Variants in ADGRL3 observed in about 807,000 individuals in gnomAD.
ADGRL3 encodes the protein calcium-independent alpha-latrotoxin receptor 3.
In ADGRL3, 62 loss-of-function variants were observed where a neutral mutation model predicts 153.5. That is an observed-to-expected ratio of 0.40 (90% confidence interval 0.33 to 0.50). The LOEUF (loss-of-function observed/expected upper bound fraction) is 0.50. Ranked by LOEUF, ADGRL3 falls within the 20% of genes least tolerant of loss-of-function variation. The probability of loss-of-function intolerance (pLI) is 0.47; values close to 1 mark genes in which losing one functional copy is unlikely to be tolerated. For missense variants in ADGRL3, 1,641 were observed against 1,859.4 expected, an observed-to-expected ratio of 0.88 and a Z score of 2.16; for synonymous variants, 710 against 672.5, an observed-to-expected ratio of 1.06 and a Z score of -0.86.
chr4:61,977,368 C>A (rs2099051767), intron 17 of ADGRL3, among the ~76,000 whole-genome samples: 1 of 151,980 alleles, frequency 6.6e-6, no homozygotes, highest in South Asian at 2.1e-4. Flanking sequence ...AAGAAGAGAG[C>A]AAATAGCCCT....
At chr4:61,815,421 T>C (rs1296937308) in intron 9 of ADGRL3, among the ~76,000 whole-genome samples, 1 of 152,178 alleles carries the variant, frequency 6.6e-6, no homozygotes, top group Admixed American at 6.5e-5. Flanking sequence ...ATAAGCTGAT[T>C]GGAGAAGAGA....
intron 17 of ADGRL3, among the ~76,000 whole-genome samples, chr4:61,973,952 G>A (rs1043337663): frequency 1.3e-5 from 2 of 151,848 alleles, no homozygotes; most frequent in African/African-American, 2.4e-5. Context: ...TGCTTTCTTC[G>A]GATGCTTTGG....
At chr4:61,895,093 A>G (rs908489558) in intron 10 of ADGRL3, among the ~76,000 whole-genome samples, 2 of 152,208 alleles carry the variant, frequency 1.3e-5, no homozygotes, top group East Asian at 3.9e-4. Flanking sequence ...TTAAGACTCA[A>G]CTGCTACCTT....
At chr4:61,891,140 C>T (rs1429231399) in intron 9 of ADGRL3, among the ~76,000 whole-genome samples, 6 of 152,024 alleles carry the variant, frequency 3.9e-5, no homozygotes, top group Non-Finnish European at 7.4e-5. Context: ...TGCCATTTTG[C>T]TCTGCTACTG....
At chr4:61,839,370 T>C (rs2097989854) in intron 9 of ADGRL3, among the ~76,000 whole-genome samples, 1 of 151,840 alleles carries the variant, frequency 6.6e-6, no homozygotes, top group Admixed American at 6.6e-5. Context: ...TTTTTTTTAA[T>C]TTTTTGTAGA....
intron 8 of ADGRL3, among the ~76,000 whole-genome samples, chr4:61,788,512 G>T (rs894081721): frequency 6.6e-6 from 1 of 152,122 alleles, no homozygotes; most frequent in African/African-American, 2.4e-5. Context: ...GGATCACCCC[G>T]TGGGACAAAA....
chr4:61,829,813 G>T (rs1274174553), intron 9 of ADGRL3, among the ~76,000 whole-genome samples: 2 of 152,080 alleles, frequency 1.3e-5, no homozygotes, highest in Non-Finnish European at 2.9e-5. Context: ...TTAGGTTTTT[G>T]AGAGAGGCAC....
intron 4 of ADGRL3, among the ~76,000 whole-genome samples, chr4:61,581,301 T>C (rs2098923978): frequency 6.6e-6 from 1 of 151,974 alleles, no homozygotes. Flanking sequence ...GGTGGTCCTC[T>C]GGGTGCACGT....
At chr4:61,775,485 C>G in intron 8 of ADGRL3, 1 of 730,492 alleles carries the variant, frequency 1.4e-6, no homozygotes, top group Non-Finnish European at 2.5e-6. Context: ...CGATGACATC[C>G]TTGGCCTGAG....
chr4:61,373,419 G>T (rs2151777155), intron 1 of ADGRL3, among the ~76,000 whole-genome samples: 1 of 152,260 alleles, frequency 6.6e-6, no homozygotes, highest in African/African-American at 2.4e-5. Flanking sequence ...ATAAAATTAT[G>T]TTTGCATATT....
intron 2 of ADGRL3, among the ~76,000 whole-genome samples, chr4:61,454,679 T>C (rs534611942): frequency 6.6e-6 from 1 of 152,262 alleles, no homozygotes; most frequent in Non-Finnish European, 1.5e-5. Flanking sequence ...ACATAAATAT[T>C]ACATGATATA....
intron 1 of ADGRL3, among the ~76,000 whole-genome samples, chr4:61,243,364 G>A (rs778945896): frequency 7.9e-5 from 12 of 151,960 alleles, no homozygotes; most frequent in Non-Finnish European, 1.6e-4. Flanking sequence ...GGTCCTGTGG[G>A]AACTGTGAAA....
At position 62,077,108 on chromosome 4, in the gene ADGRL3, T is replaced by C. The variant is rs1445532831; in HGVS notation, c.*6200T>C. On this transcript the variant is annotated 3_prime_UTR_variant, in exon 27 of 27. Coordinates refer to ENST00000683033, the MANE Select transcript of ADGRL3 (RefSeq NM_001387552.1). ...AGTTGTACATGGTGGGTTATCAAAG[T>C]ACTCCATAATCCAAATGCATCTAAA... 1 of 151,952 alleles carries C rather than the reference T, an allele frequency of 6.6e-6. No homozygotes were observed. Among genetic ancestry groups the C allele is most frequent in the Non-Finnish European group, 1.5e-5 (1 of 67,892 alleles). The allele number at this position is 151,952 out of a possible 1,614,324, so 9.4% of individuals were successfully genotyped here. A position where few individuals can be genotyped will look rare whatever the true frequency, so the allele number is the denominator to read the frequency against.
intron 9 of ADGRL3, among the ~76,000 whole-genome samples, chr4:61,827,590 TTAG>T (rs1469237530): frequency 6.6e-6 from 1 of 152,146 alleles, no homozygotes; most frequent in South Asian, 2.1e-4. Flanking sequence ...GCAAAGAGAA[TTAG>T]TAGGATATTT....
chr4:61,986,455 A>G (rs1268749995), intron 19 of ADGRL3, among the ~76,000 whole-genome samples: 2 of 152,178 alleles, frequency 1.3e-5, no homozygotes, highest in Non-Finnish European at 2.9e-5. Flanking sequence ...AGAATCAATA[A>G]TATGTAGCCT....
chr4:61,915,239 G>A (rs550623335), intron 13 of ADGRL3, among the ~76,000 whole-genome samples: 208 of 148,010 alleles, frequency 1.4e-3, no homozygotes, highest in African/African-American at 5.0e-3. Context: ...GGTATATATA[G>A]GTGTGTTTAT....
At chr4:61,783,107 A>G (rs2152392119) in intron 8 of ADGRL3, among the ~76,000 whole-genome samples, 1 of 152,302 alleles carries the variant, frequency 6.6e-6, no homozygotes, top group East Asian at 1.9e-4. Flanking sequence ...ATACAGTGAT[A>G]CAAAAACACT....
chr4:61,815,948 C>G (rs1309332063), intron 9 of ADGRL3, among the ~76,000 whole-genome samples: 5 of 152,168 alleles, frequency 3.3e-5, no homozygotes, highest in East Asian at 1.9e-4. Flanking sequence ...ATAAATTACC[C>G]CATCACAAGT....
At chr4:61,737,461 ATG>A in intron 8 of ADGRL3, among the ~76,000 whole-genome samples, 1 of 152,176 alleles carries the variant, frequency 6.6e-6, no homozygotes, top group Non-Finnish European at 1.5e-5. Flanking sequence ...GCTTCTGAAC[ATG>A]AGCTTGGGAG....
Sources: allele counts gnomAD v4.1 joint callset (sites outside exome capture counted in the v4.1 genomes callset), GRCh38; gene constraint gnomAD v4.1.1; transcripts MANE v1.5; gene names NCBI Gene and HGNC (gene_info 2026-07-23, HGNC 2026-07-21).